MED27: variants seen among roughly 807,000 people sequenced by gnomAD.
MED27 encodes the protein mediator of RNA polymerase II transcription subunit 27.
In MED27, 30 loss-of-function variants were observed where a neutral mutation model predicts 38.2. The observed-to-expected ratio is 0.79, with a 90% CI of 0.59 to 1.07. The LOEUF is 1.07. MED27 is among the 50% of genes least tolerant of loss of function. The probability of loss-of-function intolerance (pLI) is 0.00; values close to 1 mark genes in which losing one functional copy is unlikely to be tolerated. For missense variants in MED27, 289 were observed against 397.5 expected (o/e 0.73, Z 2.32); for synonymous variants, 122 against 153.5 (o/e 0.79, Z 1.52).
intron 3 of MED27, 137 bp downstream of exon 3, chr9:132,014,200 A>C (rs1051821562): frequency 1.0e-5 from 10 of 977,194 alleles, no homozygotes; most frequent in Non-Finnish European, 1.3e-5. Flanking sequence ...CAGGGTGAAA[A>C]AGTAAGACTC....
intron 2 of MED27, among the ~76,000 whole-genome samples, chr9:132,070,807 C>CA (rs1833919675): frequency 1.3e-5 from 2 of 151,678 alleles, no homozygotes; most frequent in African/African-American, 4.8e-5. Flanking sequence ...CACCCCCCAC[C>CA]AAACCCCCAG....
At chr9:132,046,627 C>T (rs1356318994) in intron 2 of MED27, among the ~76,000 whole-genome samples, 1 of 152,100 alleles carries the variant, frequency 6.6e-6, no homozygotes, top group Non-Finnish European at 1.5e-5. Flanking sequence ...CTCTCACGTC[C>T]CAGCCCCCAA....
chr9:132,075,828 C>T (rs530727235), intron 2 of MED27, among the ~76,000 whole-genome samples: 6 of 150,986 alleles, frequency 4.0e-5, no homozygotes, highest in South Asian at 2.1e-4. Flanking sequence ...AACAGTCCCA[C>T]GTCTGGCCTA....
chr9:132,067,102 T>G (rs1833825402), intron 2 of MED27, among the ~76,000 whole-genome samples: 2 of 152,258 alleles, frequency 1.3e-5, no homozygotes, highest in Non-Finnish European at 2.9e-5. Flanking sequence ...AATACTGTTT[T>G]ATTGCACACT....
chr9:131,960,570 C>T (rs1487564847), intron 3 of MED27, among the ~76,000 whole-genome samples: 2 of 152,098 alleles, frequency 1.3e-5, no homozygotes, highest in African/African-American at 2.4e-5. Flanking sequence ...AATGCAACAG[C>T]GTTAAAGTCA....
At chr9:131,939,350 C>T in intron 4 of MED27, 31 bp downstream of exon 4, 1 of 1,495,638 alleles carries the variant, frequency 6.7e-7, no homozygotes, top group Non-Finnish European at 9.1e-7. Context: ...TTTCCCCCAA[C>T]ATCCCTACAA....
intron 3 of MED27, among the ~76,000 whole-genome samples, chr9:131,968,447 C>T (rs555250552): frequency 4.9e-4 from 69 of 141,610 alleles, no homozygotes; most frequent in African/African-American, 1.8e-3. Flanking sequence ...GCACTCCAGC[C>T]TAGGCAAGAG....
At chr9:131,919,324 C>T (rs931216407) in intron 4 of MED27, among the ~76,000 whole-genome samples, 5 of 152,166 alleles carry the variant, frequency 3.3e-5, no homozygotes, top group East Asian at 1.9e-4. Flanking sequence ...TTCTCAGCCT[C>T]GGTTGCTGGG....
intron 4 of MED27, among the ~76,000 whole-genome samples, chr9:131,935,384 T>C (rs1830663722): frequency 6.6e-6 from 1 of 152,024 alleles, no homozygotes; most frequent in Non-Finnish European, 1.5e-5. Flanking sequence ...AATAAAAACT[T>C]TCAAAACAAG....
chr9:132,050,864 G>A (rs1405431387), intron 2 of MED27, among the ~76,000 whole-genome samples: 1 of 152,238 alleles, frequency 6.6e-6, no homozygotes, highest in Non-Finnish European at 1.5e-5. Flanking sequence ...CCATGAGGGA[G>A]GGTGAGGGCT....
chr9:131,991,586 TAAAC>T (rs1831974466), intron 3 of MED27, among the ~76,000 whole-genome samples: 1 of 152,190 alleles, frequency 6.6e-6, no homozygotes, highest in African/African-American at 2.4e-5. Context: ...CATACATAAA[TAAAC>T]AATTTTCAAA....
chr9:132,014,381 T>C lies in MED27; in HGVS notation c.435A>G (p.Lys145=). Residue 145 remains lysine, a synonymous_variant, in exon 3 of 8, where the codon AAA becomes AAG. Coordinates refer to ENST00000292035, the MANE Select transcript of MED27 (RefSeq NM_004269.4). ...RSANQMGVSA[K]RRPKAQPTTL... ...TTGTGGGCTGAGCCTTTGGTCTACGTTTGGCAGATACTCCCATCTGATTAG... is the reference window on the plus strand; with the variant it reads ...TTGTGGGCTGAGCCTTTGGTCTACGCTTGGCAGATACTCCCATCTGATTAG... 1.9e-6 allele frequency: 3 copies of C among 1,613,338 alleles called. No individual in the cohort carries two copies. The African/African-American group carries it at 4.0e-5, about 22-fold the overall frequency.
At chr9:131,985,358 A>T (rs1445375831) in intron 3 of MED27, among the ~76,000 whole-genome samples, 5 of 152,214 alleles carry the variant, frequency 3.3e-5, no homozygotes, top group Non-Finnish European at 7.3e-5. Context: ...TTGTCATCCC[A>T]ATCTCCTCAT....
At position 131,862,662 on chromosome 9, in the gene MED27, C is replaced by T. The variant is rs1008861134; in HGVS notation, c.801+401G>A. Among the ~76,000 whole-genome samples, 2 of 152,196 alleles carry T rather than the reference C, an allele frequency of 1.3e-5. No homozygotes were observed. Among genetic ancestry groups the T allele is most frequent in the Non-Finnish European group, 2.9e-5 (2 of 68,024 alleles). ...GGCTGCTTTGGGGCTGCTATCATCT[C>T]GAGCTCCAACTCCGAAAATCGAAGG... On this transcript the variant is annotated intron_variant, in intron 7 of 7. Coordinates refer to ENST00000292035, the MANE Select transcript of MED27 (RefSeq NM_004269.4). This position sits in a 1 kb window ranked among gnomAD's most constrained non-coding sequence, Gnocchi z 4.6.
intron 3 of MED27, among the ~76,000 whole-genome samples, chr9:131,964,864 A>G (rs1213992307): frequency 6.6e-6 from 1 of 152,246 alleles, no homozygotes; most frequent in African/African-American, 2.4e-5. Context: ...CGCTACATCT[A>G]AAATCCCACA....
chr9:131,867,693 GC>G (rs149964682), intron 6 of MED27, among the ~76,000 whole-genome samples: 38 of 152,368 alleles, frequency 2.5e-4, no homozygotes, highest in Non-Finnish European at 4.6e-4. Context: ...CCCCTCTCTA[GC>G]CACAGCATTG....
chr9:132,053,370 G>C (rs1181992038), intron 2 of MED27, among the ~76,000 whole-genome samples: 1 of 152,056 alleles, frequency 6.6e-6, no homozygotes, highest in Non-Finnish European at 1.5e-5. Context: ...AATTTTGTTA[G>C]GATGAGCACC....
rs533682223 is a variant in MED27, at chr9:131,918,367, A to G, written c.573+21014T>C. Among the ~76,000 whole-genome samples, 6 of 152,350 alleles carry G rather than the reference A, an allele frequency of 3.9e-5. No homozygotes were observed. The South Asian group carries it at 1.2e-3, about 32-fold the overall frequency. The stretch of plus-strand genomic sequence containing the variant: ...ACTCTGTTATCCTTAAGTCCTAAAC[A>G]TACATTCACTGGACAGATATAAGTG... On this transcript the variant is annotated intron_variant, in intron 4 of 7. Transcript: ENST00000292035.
intron 3 of MED27, among the ~76,000 whole-genome samples, chr9:131,975,692 A>G (rs1047655166): frequency 2.6e-5 from 4 of 152,224 alleles, no homozygotes; most frequent in Non-Finnish European, 4.4e-5. Flanking sequence ...CAAATATGTA[A>G]TAACTGATGA....
Sources: allele counts gnomAD v4.1 joint callset (sites outside exome capture counted in the v4.1 genomes callset), GRCh38; gene constraint gnomAD v4.1.1; non-coding constraint Gnocchi (gnomAD v3.1); transcripts MANE v1.5; gene names NCBI Gene and HGNC (gene_info 2026-07-23, HGNC 2026-07-21).